The following CFAP77 variants were observed in gnomAD, a reference collection of about 807,000 sequenced individuals.
CFAP77 encodes the protein cilia and flagella associated protein 77.
CFAP77 carries 25 observed loss-of-function variants against 31.1 expected under a neutral mutation model. The observed-to-expected ratio is 0.80, with a 90% CI of 0.59 to 1.12. The LOEUF (loss-of-function observed/expected upper bound fraction) is 1.12, where lower values mean the gene tolerates loss of function less well. Among genes scored for constraint, CFAP77 ranks in the 50% most tolerant of loss-of-function variants. CFAP77 has a pLI of 0.00. For synonymous variants in CFAP77, 151 were observed against 159.9 expected (o/e 0.94, Z 0.42); for missense variants, 377 against 397.3 (o/e 0.95, Z 0.44).
At chr9:132,560,544 T>C (rs1302652422) in intron 5 of CFAP77, among the ~76,000 whole-genome samples, 1 of 152,156 alleles carries the variant, frequency 6.6e-6, no homozygotes, top group African/African-American at 2.4e-5. Flanking sequence ...CTGGAGCCAT[T>C]GGTATGGCTT....
At chr9:132,548,603 A>G (rs1269614153) in intron 5 of CFAP77, among the ~76,000 whole-genome samples, 2 of 151,964 alleles carry the variant, frequency 1.3e-5, no homozygotes, top group Non-Finnish European at 2.9e-5. Context: ...CTGGATCTTT[A>G]TTATAAAATC....
At chr9:132,496,490 A>T (rs1851745609) in intron 1 of CFAP77, among the ~76,000 whole-genome samples, 1 of 152,228 alleles carries the variant, frequency 6.6e-6, no homozygotes, top group Admixed American at 6.5e-5. Context: ...TCACGGCTAC[A>T]ATCATTCCAT....
At chr9:132,472,017 G>A (rs1381135501) in intron 1 of CFAP77, among the ~76,000 whole-genome samples, 1 of 152,124 alleles carries the variant, frequency 6.6e-6, no homozygotes, top group Admixed American at 6.6e-5. Flanking sequence ...TGGCTTCACT[G>A]GGCATTTTTA....
intron 3 of CFAP77, among the ~76,000 whole-genome samples, chr9:132,531,568 G>T (rs1852451347): frequency 6.6e-6 from 1 of 151,164 alleles, no homozygotes; most frequent in Non-Finnish European, 1.5e-5. Context: ...GAAGGAGGCA[G>T]GAGCCGCTGG....
chr9:132,411,375 G>T (rs1849996379), intron 1 of CFAP77, among the ~76,000 whole-genome samples: 1 of 152,258 alleles, frequency 6.6e-6, no homozygotes, highest in Non-Finnish European at 1.5e-5. Flanking sequence ...CCCAGAGGTG[G>T]TGGTGGCGGT....
At chr9:132,435,077 G>C (rs557811157) in intron 1 of CFAP77, among the ~76,000 whole-genome samples, 1 of 152,276 alleles carries the variant, frequency 6.6e-6, no homozygotes, top group East Asian at 1.9e-4. Flanking sequence ...CCTTTCTTCC[G>C]CCGCCTTGGA....
At chr9:132,418,811 T>G (rs1850158643) in intron 1 of CFAP77, among the ~76,000 whole-genome samples, 1 of 152,218 alleles carries the variant, frequency 6.6e-6, no homozygotes. Flanking sequence ...TGCACCAACT[T>G]CCAAGGATTT....
chr9:132,486,285 C>G (rs1052166464), intron 1 of CFAP77, among the ~76,000 whole-genome samples: 20 of 150,112 alleles, frequency 1.3e-4, no homozygotes, highest in African/African-American at 4.4e-4. Flanking sequence ...ATAGAGATGG[C>G]GTTTCACCGT....
At chr9:132,411,463 C>T (rs1849999162) in intron 1 of CFAP77, among the ~76,000 whole-genome samples, 1 of 152,182 alleles carries the variant, frequency 6.6e-6, no homozygotes, top group Non-Finnish European at 1.5e-5. Flanking sequence ...CATTGACTCC[C>T]TCCTCTTGCC....
rs1829858012 is a variant in CFAP77, at chr9:132,564,226, A to AC, written c.733-8161dup. 6.6e-6 allele frequency among the ~76,000 whole-genome samples: 1 copy of AC among 152,226 alleles called. No homozygotes were observed. The highest frequency in any genetic ancestry group is 1.5e-5 in the Non-Finnish European group (1 of 68,040). On this transcript the variant is annotated intron_variant, in intron 5 of 5. Transcript: ENST00000393216. This position sits in a 1 kb window ranked among gnomAD's most constrained non-coding sequence, Gnocchi z 4.6. Reference sequence around the variant, plus strand: ...AAATCATGAATACATAAATACAAGGACAAGGGCCACATCTTAGCCTCAACC... The same window carrying AC: ...AAATCATGAATACATAAATACAAGGACCAAGGGCCACATCTTAGCCTCAACC...
At chr9:132,414,755 T>G (rs1399253096) in intron 1 of CFAP77, among the ~76,000 whole-genome samples, 1 of 152,104 alleles carries the variant, frequency 6.6e-6, no homozygotes, top group Non-Finnish European at 1.5e-5. Context: ...GCTTGTAGGT[T>G]TTCACCCCAA....
chr9:132,547,498 A>G (rs1040813253), intron 5 of CFAP77, among the ~76,000 whole-genome samples: 1 of 152,092 alleles, frequency 6.6e-6, no homozygotes, highest in Non-Finnish European at 1.5e-5. Context: ...TCTTTTCCAC[A>G]TGCGCCTTCA....
At position 132,501,741 on chromosome 9, in the gene CFAP77, G is replaced by A. The variant is rs1287490830; in HGVS notation, c.524+2141G>A. Among the ~76,000 whole-genome samples, 2 of 152,228 alleles carry A rather than the reference G, an allele frequency of 1.3e-5. No homozygotes were observed. Among genetic ancestry groups the A allele is most frequent in the African/African-American group, 4.8e-5 (2 of 41,452 alleles). ...CTACTCAGCCACTGTGGTCAGGGCT[G>A]AGACGCCAGGCCTGGGTCATGTGTC... On this transcript the variant is annotated intron_variant, in intron 3 of 5. Coordinates refer to ENST00000393216, the MANE Select transcript of CFAP77 (RefSeq NM_001282957.2). The surrounding 1 kb of genome is among the most constrained non-coding windows in gnomAD (Gnocchi z 4.6).
chr9:132,438,267 G>A (rs978857841), intron 1 of CFAP77, among the ~76,000 whole-genome samples: 14 of 148,358 alleles, frequency 9.4e-5, no homozygotes, highest in Non-Finnish European at 1.9e-4. Flanking sequence ...AGTATGTATT[G>A]CATTGTCTTT....
chr9:132,418,023 G>T (rs1273241887), intron 1 of CFAP77, among the ~76,000 whole-genome samples: 3 of 152,234 alleles, frequency 2.0e-5, no homozygotes, highest in Non-Finnish European at 4.4e-5. Context: ...TCTTGGGCAA[G>T]TGGCTTAATT....
At chr9:132,538,203 C>T (rs1852581083) in intron 4 of CFAP77, among the ~76,000 whole-genome samples, 1 of 152,190 alleles carries the variant, frequency 6.6e-6, no homozygotes, top group African/African-American at 2.4e-5. Flanking sequence ...ACAAATTAAC[C>T]AGGAAGCAGC....
Position 132,499,699 on chromosome 9 carries a change from TC to T in CFAP77, c.524+102del. 1.9e-6 allele frequency: 2 copies of T among 1,045,292 alleles called. No homozygotes were observed. Among genetic ancestry groups the T allele is most frequent in the Non-Finnish European group, 2.9e-6 (2 of 687,678 alleles). The allele number at this position is 1,045,292 out of a possible 1,614,324, so 64.8% of individuals were successfully genotyped here. A position where few individuals can be genotyped will look rare whatever the true frequency, so the allele number is the denominator to read the frequency against. ...AGGGTGACAGGGAAGTGGAGCATCC[TC>T]CCAGCCCCACTGTCCTCTCTTCAAT... On this transcript the variant is annotated intron_variant, in intron 3 of 5. Coordinates refer to ENST00000393216, the MANE Select transcript of CFAP77 (RefSeq NM_001282957.2). This position sits in a 1 kb window ranked among gnomAD's most constrained non-coding sequence, Gnocchi z 5.4.
At chr9:132,561,654 CACACA>C (rs1329143722) in intron 5 of CFAP77, among the ~76,000 whole-genome samples, 32 of 92,530 alleles carry the variant, frequency 3.5e-4, no homozygotes, top group South Asian at 5.9e-4. Flanking sequence ...CACACACACA[CACACA>C]CACCCCCTCC....
At chr9:132,414,251 G>A (rs1380336358) in intron 1 of CFAP77, among the ~76,000 whole-genome samples, 2 of 152,110 alleles carry the variant, frequency 1.3e-5, no homozygotes, top group Non-Finnish European at 2.9e-5. Flanking sequence ...ACTTCTTGAC[G>A]GCCAAGAAAT....
Sources: gnomAD v4.1 joint callset for allele counts (sites outside exome capture counted in the v4.1 genomes callset) on GRCh38, gnomAD v4.1.1 for gene constraint, Gnocchi (gnomAD v3.1) non-coding constraint, MANE v1.5 for transcripts, NCBI Gene and HGNC (gene_info 2026-07-23, HGNC 2026-07-21) for gene names.